Variants in CACNA1C observed in about 807,000 individuals in gnomAD.
CACNA1C encodes the protein calcium voltage-gated channel subunit alpha1 C, also known as voltage-dependent L-type calcium channel subunit alpha-1C.
CACNA1C carries 30 observed loss-of-function variants against 229.0 expected under a neutral mutation model. The ratio of observed to expected loss-of-function variants is 0.13; its 90% confidence interval spans 0.10 to 0.18. CACNA1C has a LOEUF of 0.18. CACNA1C is among the 10% of genes least tolerant of loss of function. CACNA1C has a pLI of 1.00. For synonymous variants in CACNA1C, 1,114 were observed against 1,132.5 expected, an observed-to-expected ratio of 0.98 and a Z score of 0.33; for missense variants, 1,658 against 2,845.0, an observed-to-expected ratio of 0.58 and a Z score of 9.49.
chr12:2,017,146 A>G (rs2045537304), intron 1 of CACNA1C, among the ~76,000 whole-genome samples: 1 of 152,346 alleles, frequency 6.6e-6, no homozygotes, highest in South Asian at 2.1e-4. Flanking sequence ...AGAAAATTGG[A>G]AAGGCTGGAC....
chr12:2,557,575 A>G (rs761352692), intron 11 of CACNA1C, among the ~76,000 whole-genome samples: 6 of 152,204 alleles, frequency 3.9e-5, no homozygotes, highest in African/African-American at 7.2e-5. Flanking sequence ...CATGGAGCCA[A>G]TCCTTCACTT....
At chr12:2,204,494 G>T (rs369085842) in intron 3 of CACNA1C, among the ~76,000 whole-genome samples, 3 of 150,858 alleles carry the variant, frequency 2.0e-5, no homozygotes, top group Admixed American at 6.6e-5. Context: ...ACATGCACAC[G>T]TATGTTTATT....
chr12:2,154,059 C>T (rs1019153580), intron 3 of CACNA1C, among the ~76,000 whole-genome samples: 7 of 152,174 alleles, frequency 4.6e-5, no homozygotes, highest in African/African-American at 1.4e-4. Flanking sequence ...GTGACATTCC[C>T]GGCCTCTTCT....
chr12:2,513,897 G>T (rs1352274456), intron 9 of CACNA1C, among the ~76,000 whole-genome samples: 3 of 152,166 alleles, frequency 2.0e-5, no homozygotes, highest in Non-Finnish European at 2.9e-5. Flanking sequence ...GAAGCTTTGG[G>T]TTAACTCTAA....
At chr12:2,175,013 G>A (rs1428959983) in intron 3 of CACNA1C, among the ~76,000 whole-genome samples, 1 of 152,166 alleles carries the variant, frequency 6.6e-6, no homozygotes, top group East Asian at 1.9e-4. Flanking sequence ...GGCAGAGGCA[G>A]AAGAAAATCC....
At chr12:2,535,217 A>G (rs545348750) in intron 9 of CACNA1C, among the ~76,000 whole-genome samples, 67 of 150,980 alleles carry the variant, frequency 4.4e-4, no homozygotes, top group African/African-American at 1.6e-3. Context: ...GTGAAACCCC[A>G]TCCCTACTAA....
intron 30 of CACNA1C, among the ~76,000 whole-genome samples, chr12:2,640,691 C>T (rs957094699): frequency 1.2e-4 from 18 of 152,172 alleles, no homozygotes; most frequent in Non-Finnish European, 2.5e-4. Context: ...CCCAAGTCTT[C>T]CCCACCTTCA....
rs2094494817 is a variant in CACNA1C, at chr12:2,647,685, A to C, written c.3913-790A>C. On this transcript the variant is annotated intron_variant, in intron 30 of 46. Transcript: ENST00000399655. The surrounding 1 kb of genome is among the most constrained non-coding windows in gnomAD (Gnocchi z 4.2). ...CGGTCTCCCCTAAACCTGAGAGGCCACTGCCCTTGCTTTGTTTAAATATAT... is the reference window on the plus strand; with the variant it reads ...CGGTCTCCCCTAAACCTGAGAGGCCCCTGCCCTTGCTTTGTTTAAATATAT... Among the ~76,000 whole-genome samples the C allele has an allele frequency of 1.3e-5, 2 of 152,220 alleles. No individual in the cohort carries two copies. The highest frequency in any genetic ancestry group is 4.1e-4 in the South Asian group (2 of 4,830).
intron 3 of CACNA1C, among the ~76,000 whole-genome samples, chr12:2,430,134 G>C (rs1286207319): frequency 1.3e-5 from 2 of 152,144 alleles, no homozygotes; most frequent in Non-Finnish European, 2.9e-5. Flanking sequence ...AGCTCTCCTG[G>C]GTCTCTGGTA....
intron 11 of CACNA1C, among the ~76,000 whole-genome samples, chr12:2,560,271 C>A (rs963226708): frequency 1.3e-5 from 2 of 152,210 alleles, no homozygotes; most frequent in African/African-American, 4.8e-5. Context: ...TATTCCTGAT[C>A]ATTTTCTCAA....
At chr12:2,232,227 G>GTTTTTTTTTTTTTTTTTTTTTTTT (rs1169407536) in intron 3 of CACNA1C, among the ~76,000 whole-genome samples, 24 of 73,554 alleles carry the variant, frequency 3.3e-4, no homozygotes, top group East Asian at 5.2e-4. Flanking sequence ...GTCTTTCCTT[G>GTTTTTTTTTTTTTTTTTTTTTTTT]TTTTTTTTTT....
chr12:1,984,778 T>TTAAAAAA (rs1230989393), intron 1 of CACNA1C, among the ~76,000 whole-genome samples: 1 of 81,346 alleles, frequency 1.2e-5, no homozygotes, highest in Non-Finnish European at 2.3e-5. Context: ...GGTCTTCTGG[T>TTAAAAAA]AAAAAAAAAA....
At chr12:2,016,082 T>C (rs193084636) in intron 1 of CACNA1C, among the ~76,000 whole-genome samples, 1 of 152,274 alleles carries the variant, frequency 6.6e-6, no homozygotes, top group East Asian at 1.9e-4. Context: ...CAGTGGGAAA[T>C]GGGGTGCTCC....
At chr12:2,640,861 AG>A (rs2093606215) in intron 30 of CACNA1C, among the ~76,000 whole-genome samples, 2 of 152,180 alleles carry the variant, frequency 1.3e-5, no homozygotes, top group Admixed American at 1.3e-4. Context: ...GTCAGTCCTG[AG>A]TCATAGAGAG....
intron 3 of CACNA1C, among the ~76,000 whole-genome samples, chr12:2,414,207 G>C (rs1462143730): frequency 3.3e-5 from 5 of 152,198 alleles, no homozygotes; most frequent in Admixed American, 2.6e-4. Context: ...TTGATTTACT[G>C]TCTGCACATG....
chr12:2,299,804 A>G (rs1452998887), intron 3 of CACNA1C, among the ~76,000 whole-genome samples: 1 of 152,124 alleles, frequency 6.6e-6, no homozygotes, highest in African/African-American at 2.4e-5. Flanking sequence ...TAGATAGGCC[A>G]CTTACTCACC....
At chr12:2,253,939 G>A (rs1215425737) in intron 3 of CACNA1C, among the ~76,000 whole-genome samples, 1 of 152,154 alleles carries the variant, frequency 6.6e-6, no homozygotes, top group Non-Finnish European at 1.5e-5. Context: ...GGGAAGTAAG[G>A]GATGCGTACT....
intron 42 of CACNA1C, chr12:2,681,843 CA>C (rs2097162067): frequency 1.1e-4 from 79 of 728,916 alleles, no homozygotes; most frequent in South Asian, 1.0e-3. Flanking sequence ...GCCCAGCATG[CA>C]AGGTCTATAG....
At chr12:2,231,020 T>C (rs759941878) in intron 3 of CACNA1C, among the ~76,000 whole-genome samples, 8 of 152,198 alleles carry the variant, frequency 5.3e-5, no homozygotes, top group Non-Finnish European at 8.8e-5. Flanking sequence ...GAGGGAGTTT[T>C]TGGAAATAAC....
Sources: allele counts gnomAD v4.1 joint callset (sites outside exome capture counted in the v4.1 genomes callset), GRCh38; gene constraint gnomAD v4.1.1; non-coding constraint Gnocchi (gnomAD v3.1); transcripts MANE v1.5; gene names NCBI Gene and HGNC (gene_info 2026-07-23, HGNC 2026-07-21).